IQGAP2: variants seen among roughly 807,000 people sequenced by gnomAD.
The protein encoded by IQGAP2 is ras GTPase-activating-like protein IQGAP2.
IQGAP2 carries 173 observed loss-of-function variants against 201.3 expected under a neutral mutation model. The ratio of observed to expected loss-of-function variants is 0.86; its 90% confidence interval spans 0.76 to 0.98. The LOEUF (loss-of-function observed/expected upper bound fraction) is 0.98, where lower values mean the gene tolerates loss of function less well. Ranked by LOEUF, IQGAP2 falls within the 50% of genes least tolerant of loss-of-function variation. The probability of loss-of-function intolerance (pLI) is 0.00; values close to 1 mark genes in which losing one functional copy is unlikely to be tolerated. For synonymous variants in IQGAP2, 675 were observed against 673.9 expected, an observed-to-expected ratio of 1.00 and a Z score of -0.03; for missense variants, 1,687 against 1,864.8, an observed-to-expected ratio of 0.90 and a Z score of 1.76.
intron 1 of IQGAP2, among the ~76,000 whole-genome samples, chr5:76,408,727 T>C (rs1750933020): frequency 6.6e-6 from 1 of 151,822 alleles, no homozygotes; most frequent in African/African-American, 2.4e-5. Flanking sequence ...TAGCCACAGC[T>C]CTCCAGCCTG....
chr5:76,425,856 C>T (rs552750403), intron 1 of IQGAP2, among the ~76,000 whole-genome samples: 2 of 152,238 alleles, frequency 1.3e-5, no homozygotes, highest in East Asian at 1.9e-4. Flanking sequence ...TGGGTCAGTG[C>T]GTGCATACCA....
chr5:76,609,841 A>ATG (rs34776267), intron 12 of IQGAP2, among the ~76,000 whole-genome samples: 8,670 of 145,352 alleles, frequency 0.06, 402 homozygotes, highest in East Asian at 0.27. Context: ...TTATATATAT[A>ATG]TGTGTGTGTG....
At chr5:76,436,683 A>G (rs1009869894) in intron 1 of IQGAP2, among the ~76,000 whole-genome samples, 1 of 150,354 alleles carries the variant, frequency 6.7e-6, no homozygotes, top group African/African-American at 2.4e-5. Flanking sequence ...GGTGTGTGCC[A>G]CCATGCCCAG....
rs142951212 is a variant in IQGAP2 at position 76,439,884 on chromosome 5, T to C, written c.47-21686T>C. On this transcript the variant is annotated intron_variant, in intron 1 of 35. Coordinates refer to ENST00000274364, the MANE Select transcript of IQGAP2 (RefSeq NM_006633.5). ...ATTGAAATGTGAGGTACTGTTCCAA[T>C]CATTGTGCTGATTGTTACCTAGATA... Among the ~76,000 whole-genome samples, 141 of 152,346 alleles carry C rather than the reference T, an allele frequency of 9.3e-4. 1 individual carries two copies. Among genetic ancestry groups the C allele is most frequent in the African/African-American group, 3.3e-3 (139 of 41,582 alleles).
Position 76,582,826 on chromosome 5 carries a change from C to T in IQGAP2, c.459-6080C>T, listed in dbSNP as rs191783277. 9.2e-5 allele frequency among the ~76,000 whole-genome samples: 14 copies of T among 152,246 alleles called. No homozygotes were observed. The East Asian group carries it at 2.5e-3, about 27-fold the overall frequency. On this transcript the variant is annotated intron_variant, in intron 5 of 35. Coordinates refer to ENST00000274364, the MANE Select transcript of IQGAP2 (RefSeq NM_006633.5). ...TACTATATACTACTTTCATGATATA[C>T]ACTAAATGGTATTTTTTAAAACTTT...
intron 1 of IQGAP2, among the ~76,000 whole-genome samples, chr5:76,439,451 G>A (rs573063985): frequency 2.6e-5 from 4 of 152,112 alleles, no homozygotes; most frequent in Non-Finnish European, 4.4e-5. Flanking sequence ...CTGAAGTCCC[G>A]TACTATTATT....
chr5:76,657,635 G>A (rs541973964), intron 20 of IQGAP2, among the ~76,000 whole-genome samples: 24 of 152,276 alleles, frequency 1.6e-4, no homozygotes, highest in South Asian at 8.3e-4. Context: ...CTAATCATTC[G>A]TCCTCAATGG....
intron 2 of IQGAP2, among the ~76,000 whole-genome samples, chr5:76,513,160 A>G (rs1359348723): frequency 1.3e-5 from 2 of 152,246 alleles, no homozygotes; most frequent in Admixed American, 1.3e-4. Flanking sequence ...TACAGAGATC[A>G]TGAAACATTA....
intron 15 of IQGAP2, 75 bp from the exon 16 acceptor site, chr5:76,636,959 A>T: frequency 8.4e-7 from 1 of 1,185,146 alleles, no homozygotes; most frequent in Non-Finnish European, 1.2e-6. Flanking sequence ...CAATTATTTT[A>T]CATATTAAAG....
intron 1 of IQGAP2, among the ~76,000 whole-genome samples, chr5:76,456,226 A>G (rs1302296593): frequency 6.6e-6 from 1 of 152,176 alleles, no homozygotes; most frequent in African/African-American, 2.4e-5. Context: ...TAGTGTCTTG[A>G]TGAAGCCATG....
intron 2 of IQGAP2, among the ~76,000 whole-genome samples, chr5:76,532,871 T>A (rs553862712): frequency 3.9e-5 from 6 of 152,354 alleles, no homozygotes; most frequent in Admixed American, 3.3e-4. Context: ...CCAGGGCAGC[T>A]AGCCACACTG....
chr5:76,498,630 G>T (rs994055560), intron 2 of IQGAP2, among the ~76,000 whole-genome samples: 1 of 152,152 alleles, frequency 6.6e-6, no homozygotes, highest in Non-Finnish European at 1.5e-5. Flanking sequence ...GGTTTTTAGG[G>T]TTAAATGAAA....
intron 12 of IQGAP2, chr5:76,606,826 T>C (rs1400981894): frequency 6.6e-6 from 1 of 152,242 alleles, no homozygotes; most frequent in Non-Finnish European, 1.5e-5. Context: ...ACATGCTTTC[T>C]TGAATGTCAG....
intron 23 of IQGAP2, among the ~76,000 whole-genome samples, chr5:76,670,007 GAGA>G (rs1744159443): frequency 6.6e-6 from 1 of 152,064 alleles, no homozygotes; most frequent in South Asian, 2.1e-4. Flanking sequence ...ATTTTTAGTA[GAGA>G]AGAGGTTTCA....
chr5:76,428,659 C>T (rs1752153571), intron 1 of IQGAP2, among the ~76,000 whole-genome samples: 1 of 150,472 alleles, frequency 6.6e-6, no homozygotes, highest in Admixed American at 6.6e-5. Context: ...TCTCAAACTC[C>T]TGACCTCAAG....
At chr5:76,517,276 C>T (rs899506337) in intron 2 of IQGAP2, among the ~76,000 whole-genome samples, 15 of 152,056 alleles carry the variant, frequency 9.9e-5, no homozygotes, top group Non-Finnish European at 2.2e-4. Flanking sequence ...ATGCATCATC[C>T]ATGGGATGTG....
At chr5:76,657,293 G>A (rs1742833852) in intron 20 of IQGAP2, among the ~76,000 whole-genome samples, 1 of 152,138 alleles carries the variant, frequency 6.6e-6, no homozygotes. Flanking sequence ...GATGAGCGGT[G>A]GTGCATTGCT....
Position 76,623,168 on chromosome 5 carries a change from A to G in IQGAP2, c.1522-4242A>G, listed in dbSNP as rs573758676. On this transcript the variant is annotated intron_variant, in intron 13 of 35. Coordinates refer to ENST00000274364, the MANE Select transcript of IQGAP2 (RefSeq NM_006633.5). ...CTACCCCCTGAGAAAATTGCTTACC[A>G]CTCTGACAAAAAGTGGGCAACAGAA... The G allele has an allele frequency of 3.1e-6, 5 of 1,614,094 alleles. No homozygotes were observed. The East Asian group carries it at 1.1e-4, about 36-fold the overall frequency.
intron 2 of IQGAP2, among the ~76,000 whole-genome samples, chr5:76,515,070 C>T (rs1393821825): frequency 6.6e-6 from 1 of 152,218 alleles, no homozygotes; most frequent in Admixed American, 6.5e-5. Flanking sequence ...TGTAGCCCTA[C>T]TTTGACTGCT....
Sources: gnomAD v4.1 joint callset for allele counts (sites outside exome capture counted in the v4.1 genomes callset) on GRCh38, gnomAD v4.1.1 for gene constraint, MANE v1.5 for transcripts, NCBI Gene and HGNC (gene_info 2026-07-23, HGNC 2026-07-21) for gene names.